The following ANKS1B variants were observed in gnomAD, a reference collection of about 807,000 sequenced individuals.
The protein encoded by ANKS1B is ankyrin repeat and sterile alpha motif domain containing 1B.
In ANKS1B, 36 loss-of-function variants were observed where a neutral mutation model predicts 148.3. The observed-to-expected ratio is 0.24, with a 90% confidence interval of 0.19 to 0.32. The LOEUF (loss-of-function observed/expected upper bound fraction) is 0.32, where lower values mean the gene tolerates loss of function less well. ANKS1B is among the 10% of genes least tolerant of loss of function. ANKS1B has a pLI of 1.00. For synonymous variants in ANKS1B, 542 were observed against 560.8 expected (o/e 0.97, Z 0.47); for missense variants, 1,157 against 1,542.6 (o/e 0.75, Z 4.19).
chr12:98,804,446 A>G (rs975460597), intron 20 of ANKS1B, among the ~76,000 whole-genome samples: 2 of 149,726 alleles, frequency 1.3e-5, no homozygotes, highest in Middle Eastern at 3.2e-3. Flanking sequence ...ACTTAGATCT[A>G]AAAGTATTTA....
intron 1 of ANKS1B, among the ~76,000 whole-genome samples, chr12:99,924,220 A>G (rs2153801032): frequency 6.6e-6 from 1 of 152,158 alleles, no homozygotes; most frequent in Non-Finnish European, 1.5e-5. Context: ...GACAGTGAAT[A>G]CAGGAAGAGC....
intron 17 of ANKS1B, among the ~76,000 whole-genome samples, chr12:98,865,462 G>A (rs1374350749): frequency 6.6e-6 from 1 of 152,116 alleles, no homozygotes; most frequent in Non-Finnish European, 1.5e-5. Context: ...CATTATTCTA[G>A]AGCTTGGGAT....
chr12:99,102,422 CT>C, intron 15 of ANKS1B, among the ~76,000 whole-genome samples: 2 of 151,694 alleles, frequency 1.3e-5, no homozygotes, highest in East Asian at 3.9e-4. Flanking sequence ...TTTTCTTCTT[CT>C]TCTTCTTCTT....
intron 4 of ANKS1B, among the ~76,000 whole-genome samples, chr12:99,792,655 A>T (rs2065801627): frequency 6.6e-6 from 1 of 151,934 alleles, no homozygotes; most frequent in African/African-American, 2.4e-5. Context: ...GATGCAGTCC[A>T]ACATCCCTTC....
At chr12:98,759,278 A>G (rs1263893834) in intron 25 of ANKS1B, among the ~76,000 whole-genome samples, 1 of 152,158 alleles carries the variant, frequency 6.6e-6, no homozygotes, top group Non-Finnish European at 1.5e-5. Context: ...ACAGATATTT[A>G]CCAAGCTCCT....
In ANKS1B at chr12:99,420,646, G is replaced by A. The variant is rs181368545; in HGVS notation, c.1576-20835C>T. 3.3e-5 allele frequency among the ~76,000 whole-genome samples: 5 copies of A among 152,098 alleles called. No homozygotes were observed. The East Asian group carries it at 9.6e-4, about 29-fold the overall frequency. ...TGTCTTTTTTTCCTGACTCATTCCTGGCAAAGGAATATTCAAAAGGTTGAT... is the reference window on the plus strand; with the variant it reads ...TGTCTTTTTTTCCTGACTCATTCCTAGCAAAGGAATATTCAAAAGGTTGAT... On this transcript the variant is annotated intron_variant, in intron 11 of 26. Transcript: ENST00000683438.
At chr12:99,414,308 T>C (rs2094822216) in intron 11 of ANKS1B, among the ~76,000 whole-genome samples, 1 of 152,060 alleles carries the variant, frequency 6.6e-6, no homozygotes, top group South Asian at 2.1e-4. Context: ...AGCCTGACAT[T>C]TTGCTGGCCC....
At chr12:99,057,749 G>A (rs1301941197) in intron 16 of ANKS1B, among the ~76,000 whole-genome samples, 5 of 152,116 alleles carry the variant, frequency 3.3e-5, no homozygotes, top group Admixed American at 1.3e-4. Flanking sequence ...GGTTAGAGAC[G>A]AGGTCTCTGT....
chr12:99,188,941 C>G (rs1314397841), intron 14 of ANKS1B, among the ~76,000 whole-genome samples: 2 of 152,108 alleles, frequency 1.3e-5, no homozygotes, highest in Middle Eastern at 6.8e-3. Context: ...AAATAGACCA[C>G]TAGCCAGACT....
chr12:99,101,270 T>G (rs560876861), intron 15 of ANKS1B, among the ~76,000 whole-genome samples: 1 of 152,094 alleles, frequency 6.6e-6, no homozygotes, highest in East Asian at 1.9e-4. Context: ...CTATCTGAAG[T>G]GTGGATTTGA....
intron 12 of ANKS1B, among the ~76,000 whole-genome samples, chr12:99,323,038 G>A (rs1566891636): frequency 6.6e-6 from 1 of 152,030 alleles, no homozygotes; most frequent in Non-Finnish European, 1.5e-5. Context: ...ACCCAGTCTC[G>A]GGTATGTCTT....
In ANKS1B at chr12:99,000,843, A is replaced by G. The variant is rs1025798873; in HGVS notation, c.2778+52314T>C. On this transcript the variant is annotated intron_variant, in intron 17 of 26. Coordinates refer to ENST00000683438, the MANE Select transcript of ANKS1B (RefSeq NM_001352186.2). ...ATTCTAGATACCTCCTCAAAGTGCA[A>G]TCTTGCAGTATTTGTTCTTCTGTGA... Among the ~76,000 whole-genome samples the G allele has an allele frequency of 2.6e-5, 4 of 152,264 alleles. No homozygotes were observed. The South Asian group carries it at 8.3e-4, about 32-fold the overall frequency.
intron 9 of ANKS1B, among the ~76,000 whole-genome samples, chr12:99,518,749 T>G (rs184824247): frequency 1.4e-4 from 22 of 152,264 alleles, no homozygotes; most frequent in African/African-American, 5.0e-4. Flanking sequence ...TGATTTTTAA[T>G]ATTTCTTTTC....
intron 15 of ANKS1B, among the ~76,000 whole-genome samples, chr12:99,102,140 T>C (rs2058089136): frequency 6.6e-6 from 1 of 152,110 alleles, no homozygotes; most frequent in Admixed American, 6.5e-5. Flanking sequence ...GTAACGAGTT[T>C]CATGAATAAG....
intron 13 of ANKS1B, among the ~76,000 whole-genome samples, chr12:99,244,728 G>A (rs537356936): frequency 2.0e-5 from 3 of 152,324 alleles, no homozygotes; most frequent in Non-Finnish European, 4.4e-5. Context: ...CAGAAGGACT[G>A]TAGATAAATT....
intron 9 of ANKS1B, among the ~76,000 whole-genome samples, chr12:99,550,543 G>T (rs2097208395): frequency 6.6e-6 from 1 of 151,584 alleles, no homozygotes; most frequent in African/African-American, 2.4e-5. Flanking sequence ...AGAATCGCTT[G>T]AACCCGGGAG....
chr12:99,417,417 T>G (rs1219284716), intron 11 of ANKS1B, among the ~76,000 whole-genome samples: 2 of 152,218 alleles, frequency 1.3e-5, no homozygotes, highest in East Asian at 3.8e-4. Flanking sequence ...GTCTATCCCT[T>G]CACTGATAAT....
At chr12:99,352,499 C>G (rs2091534043) in intron 12 of ANKS1B, among the ~76,000 whole-genome samples, 1 of 151,998 alleles carries the variant, frequency 6.6e-6, no homozygotes. Context: ...TCTGGCATAA[C>G]TACCTCACTG....
intron 17 of ANKS1B, among the ~76,000 whole-genome samples, chr12:98,998,933 T>G (rs2099931280): frequency 6.6e-6 from 1 of 152,230 alleles, no homozygotes; most frequent in Non-Finnish European, 1.5e-5. Flanking sequence ...ACTTTACTAT[T>G]GCTAAATTGT....
Sources: allele counts gnomAD v4.1 joint callset (sites outside exome capture counted in the v4.1 genomes callset), GRCh38; gene constraint gnomAD v4.1.1; transcripts MANE v1.5; gene names NCBI Gene and HGNC (gene_info 2026-07-23, HGNC 2026-07-21).